ZFAT: variants seen among roughly 807,000 people sequenced by gnomAD.
The protein encoded by ZFAT is zinc finger and AT-hook domain containing.
In ZFAT, 64 loss-of-function variants were observed where a neutral mutation model predicts 117.7. The observed-to-expected ratio is 0.54, with a 90% CI of 0.44 to 0.67. The LOEUF (loss-of-function observed/expected upper bound fraction) is 0.67, where lower values mean the gene tolerates loss of function less well. Among genes scored for constraint, ZFAT ranks in the 30% least tolerant of loss-of-function variants. The probability of loss-of-function intolerance (pLI) is 0.00; values close to 1 mark genes in which losing one functional copy is unlikely to be tolerated. For missense variants in ZFAT, 1,433 were observed against 1,584.5 expected, an observed-to-expected ratio of 0.90 and a Z score of 1.62; for synonymous variants, 679 against 615.0, an observed-to-expected ratio of 1.10 and a Z score of -1.54.
At chr8:134,592,883 G>A (rs910103353) in intron 7 of ZFAT, among the ~76,000 whole-genome samples, 11 of 152,206 alleles carry the variant, frequency 7.2e-5, no homozygotes, top group Non-Finnish European at 1.5e-4. Flanking sequence ...AAATGGTTTC[G>A]ATGCATTTCC....
At chr8:134,758,138 C>T in the ZFAT span, among the ~76,000 whole-genome samples, 17 of 152,212 alleles carry the variant, frequency 1.1e-4, no homozygotes, top group African/African-American at 3.9e-4. Flanking sequence ...GACATAGGAG[C>T]TTGATGTACT....
At chr8:134,674,131 G>A (rs1832682410) in intron 1 of ZFAT, among the ~76,000 whole-genome samples, 1 of 152,168 alleles carries the variant, frequency 6.6e-6, no homozygotes, top group Non-Finnish European at 1.5e-5. Context: ...CCAAAGCAAG[G>A]TGGGGCATTG....
At chr8:134,799,067 C>A in the ZFAT span, among the ~76,000 whole-genome samples, 1 of 151,980 alleles carries the variant, frequency 6.6e-6, no homozygotes, top group Non-Finnish European at 1.5e-5. Context: ...ATGCTATGCA[C>A]CTAAGTACAG....
intron 2 of ZFAT, among the ~76,000 whole-genome samples, chr8:134,656,939 G>C (rs528809215): frequency 3.3e-4 from 51 of 152,340 alleles, no homozygotes; most frequent in African/African-American, 1.1e-3. Context: ...CTACAGACAA[G>C]ATGCATCTCA....
At chr8:134,748,553 T>C in the ZFAT span, among the ~76,000 whole-genome samples, 9 of 152,214 alleles carry the variant, frequency 5.9e-5, no homozygotes, top group Non-Finnish European at 1.3e-4. Context: ...AATGTTGCTT[T>C]AGACATCCTT....
intron 2 of ZFAT, among the ~76,000 whole-genome samples, chr8:134,656,860 GC>G (rs1395371083): frequency 6.6e-6 from 1 of 152,172 alleles, no homozygotes; most frequent in African/African-American, 2.4e-5. Flanking sequence ...TAATTACAGT[GC>G]CTGGATGGTT....
At chr8:134,712,725 G>GGCGCGGCCGGC (rs1193949002) in intron 1 of ZFAT, 120 bp downstream of exon 1, 2 of 750,476 alleles carry the variant, frequency 2.7e-6, no homozygotes, top group African/African-American at 2.2e-5. Context: ...CTCCGCGGCC[G>GGCGCGGCCGGC]GCGGCCGGCG....
At chr8:134,677,014 C>A (rs1239653491) in intron 1 of ZFAT, among the ~76,000 whole-genome samples, 2 of 152,096 alleles carry the variant, frequency 1.3e-5, no homozygotes, top group Admixed American at 6.6e-5. Context: ...AAAATTGACA[C>A]CCTAACATCA....
At chr8:134,816,713 G>A in the ZFAT span, among the ~76,000 whole-genome samples, 2 of 152,034 alleles carry the variant, frequency 1.3e-5, no homozygotes, top group Admixed American at 6.5e-5. Context: ...GGCCAGGCAC[G>A]GTGGCTCACG....
intron 1 of ZFAT, chr8:134,696,530 AC>A (rs1424997547): frequency 1.0e-6 from 1 of 985,646 alleles, no homozygotes; most frequent in African/African-American, 1.7e-5. Flanking sequence ...CTCCATCTAC[AC>A]CCTTTCTTCT....
At chr8:134,765,662 T>C in the ZFAT span, 1 of 151,960 alleles carries the variant, frequency 6.6e-6, no homozygotes, top group Admixed American at 6.6e-5. Flanking sequence ...GTTTAGACTA[T>C]AAAATTCCCA....
the ZFAT span, among the ~76,000 whole-genome samples, chr8:134,810,671 G>A: frequency 6.6e-6 from 1 of 152,138 alleles, no homozygotes; most frequent in African/African-American, 2.4e-5. Context: ...TTCCCAATCT[G>A]TAAAATAAGA....
chr8:134,717,732 T>C (rs924856999), upstream of ZFAT, among the ~76,000 whole-genome samples: 2 of 151,752 alleles, frequency 1.3e-5, no homozygotes, highest in Non-Finnish European at 2.9e-5. Context: ...GTGATCCGCC[T>C]CTGTCACCCA....
chr8:134,688,881 G>T (rs574889578), intron 1 of ZFAT, among the ~76,000 whole-genome samples: 3 of 152,146 alleles, frequency 2.0e-5, no homozygotes, highest in African/African-American at 7.2e-5. Flanking sequence ...TTCATGAGAC[G>T]TGTCCAGCCA....
chr8:134,598,709 T>C (rs1477139412), intron 7 of ZFAT: 1 of 152,248 alleles, frequency 6.6e-6, no homozygotes, highest in Non-Finnish European at 1.5e-5. Context: ...TTTCAGCCTA[T>C]GTTTCAAAAT....
At chr8:134,801,619 T>C in the ZFAT span, among the ~76,000 whole-genome samples, 1 of 152,184 alleles carries the variant, frequency 6.6e-6, no homozygotes, top group Non-Finnish European at 1.5e-5. Context: ...ACTGCTTTTC[T>C]GTTTTAACTA....
At chr8:134,677,581 T>C (rs1832866427) in intron 1 of ZFAT, among the ~76,000 whole-genome samples, 2 of 152,170 alleles carry the variant, frequency 1.3e-5, no homozygotes, top group African/African-American at 2.4e-5. Context: ...GAATCCTCCC[T>C]AACTCATTTT....
rs1188146098 is a variant in ZFAT at position 134,502,451 on chromosome 8, A to T, written c.3492+7168T>A. 2.0e-5 allele frequency among the ~76,000 whole-genome samples: 3 copies of T among 152,226 alleles called. No individual in the cohort carries two copies. In the East Asian group the frequency reaches 5.8e-4, roughly 29 times the overall value. On this transcript the variant is annotated intron_variant, in intron 15 of 15. Transcript: ENST00000377838. ...TAGAGTGCCTTTTCTTGCAAAAAACAATGAACTGCAAATAACAAACAGCAA... is the reference window on the plus strand; with the variant it reads ...TAGAGTGCCTTTTCTTGCAAAAAACTATGAACTGCAAATAACAAACAGCAA...
At chr8:134,639,323 C>A (rs1486539689) in intron 2 of ZFAT, among the ~76,000 whole-genome samples, 1 of 152,242 alleles carries the variant, frequency 6.6e-6, no homozygotes, top group Admixed American at 6.5e-5. Flanking sequence ...AGGGCCCTTG[C>A]TGGAACAGAG....
Sources: allele counts gnomAD v4.1 joint callset (sites outside exome capture counted in the v4.1 genomes callset), GRCh38; gene constraint gnomAD v4.1.1; transcripts MANE v1.5; gene names NCBI Gene and HGNC (gene_info 2026-07-23, HGNC 2026-07-21).